The following DMRT1 variants were observed in gnomAD, a reference collection of about 807,000 sequenced individuals.
The protein encoded by DMRT1 is doublesex and mab-3 related transcription factor 1.
DMRT1 carries 7 observed loss-of-function variants against 32.3 expected under a neutral mutation model. The observed-to-expected ratio is 0.22, with a 90% CI of 0.12 to 0.41. The LOEUF (loss-of-function observed/expected upper bound fraction) is 0.41. DMRT1 is among the 10% of genes least tolerant of loss of function. The pLI, the probability that DMRT1 is intolerant of heterozygous loss-of-function variation, is 1.00. For synonymous variants in DMRT1, 278 were observed against 206.1 expected (o/e 1.35, Z -2.99); for missense variants, 625 against 500.5 (o/e 1.25, Z -2.37).
intron 4 of DMRT1, among the ~76,000 whole-genome samples, chr9:953,982 G>GAAGGCATTAGAGAAGTACTAATAC (rs1275232512): frequency 6.6e-5 from 10 of 152,176 alleles, no homozygotes; most frequent in African/African-American, 9.6e-5. Context: ...GTGGAGTACT[G>GAAGGCATTAGAGAAGTACTAATAC]TGGGCATTAG....
intron 2 of DMRT1, among the ~76,000 whole-genome samples, chr9:878,814 C>T (rs918623750): frequency 6.6e-6 from 1 of 152,152 alleles, no homozygotes; most frequent in African/African-American, 2.4e-5. Flanking sequence ...CATGTCTTCT[C>T]TCATATAATT....
intron 3 of DMRT1, among the ~76,000 whole-genome samples, chr9:915,919 G>A (rs1185168970): frequency 6.6e-6 from 1 of 152,018 alleles, no homozygotes; most frequent in Non-Finnish European, 1.5e-5. Context: ...ATTTTTAGGA[G>A]AGATGGGGTT....
chr9:952,183 C>G (rs1388397863), intron 4 of DMRT1, among the ~76,000 whole-genome samples: 2 of 152,094 alleles, frequency 1.3e-5, no homozygotes, highest in Non-Finnish European at 2.9e-5. Context: ...CAGCCATATC[C>G]CCTGTATCTC....
intron 2 of DMRT1, among the ~76,000 whole-genome samples, chr9:890,095 T>TG (rs1455418355): frequency 6.8e-6 from 1 of 147,500 alleles, no homozygotes; most frequent in Non-Finnish European, 1.5e-5. Context: ...GTTTTTTTTT[T>TG]TTTTTTTTTT....
chr9:862,066 C>G (rs143534583), intron 2 of DMRT1, among the ~76,000 whole-genome samples: 1 of 136,404 alleles, frequency 7.3e-6, no homozygotes, highest in Non-Finnish European at 1.6e-5. Flanking sequence ...GATGGGCGGC[C>G]AGGCAGAGAC....
At chr9:871,218 G>A (rs1816235182) in intron 2 of DMRT1, among the ~76,000 whole-genome samples, 1 of 146,246 alleles carries the variant, frequency 6.8e-6, no homozygotes, top group South Asian at 2.2e-4. Context: ...TGTAGAGACG[G>A]GGTTTTGCCA....
chr9:920,759 A>C (rs1193020462), intron 4 of DMRT1, among the ~76,000 whole-genome samples: 1 of 152,062 alleles, frequency 6.6e-6, no homozygotes, highest in South Asian at 2.1e-4. Flanking sequence ...GGATACAGGG[A>C]GTGTGTGGAG....
chr9:921,488 A>G (rs1218704874), intron 4 of DMRT1, among the ~76,000 whole-genome samples: 1 of 151,780 alleles, frequency 6.6e-6, no homozygotes, highest in African/African-American at 2.4e-5. Context: ...GTCTGATTTC[A>G]CTTCTTCTGG....
At chr9:890,757 C>G (rs901637926) in intron 2 of DMRT1, among the ~76,000 whole-genome samples, 2 of 152,122 alleles carry the variant, frequency 1.3e-5, no homozygotes, top group African/African-American at 4.8e-5. Flanking sequence ...TTCTGTCACC[C>G]AGGCTGGAGT....
At chr9:927,323 C>G (rs934374953) in intron 4 of DMRT1, among the ~76,000 whole-genome samples, 1 of 152,216 alleles carries the variant, frequency 6.6e-6, no homozygotes, top group African/African-American at 2.4e-5. Flanking sequence ...ATTCATCATC[C>G]AGGTGCCGTG....
intron 4 of DMRT1, among the ~76,000 whole-genome samples, chr9:949,951 C>G (rs148458975): frequency 1.3e-5 from 2 of 152,230 alleles, no homozygotes; most frequent in East Asian, 1.9e-4. Context: ...CCTTATTCAT[C>G]TGTCTGTCAG....
intron 3 of DMRT1, among the ~76,000 whole-genome samples, chr9:902,837 G>A (rs1335930970): frequency 6.6e-6 from 1 of 152,030 alleles, no homozygotes; most frequent in Non-Finnish European, 1.5e-5. Flanking sequence ...TGCTGGTCTA[G>A]CATTTTGAGG....
chr9:947,353 A>T (rs868432194), intron 4 of DMRT1, among the ~76,000 whole-genome samples: 1 of 152,206 alleles, frequency 6.6e-6, no homozygotes, highest in Non-Finnish European at 1.5e-5. Context: ...TGGCCCAGGG[A>T]AGCCAAAAGG....
chr9:939,523 C>T (rs1240071827), intron 4 of DMRT1, among the ~76,000 whole-genome samples: 1 of 152,166 alleles, frequency 6.6e-6, no homozygotes, highest in Non-Finnish European at 1.5e-5. Flanking sequence ...ATATTTTGTC[C>T]TGTTCTCTGT....
intron 4 of DMRT1, among the ~76,000 whole-genome samples, chr9:959,365 T>C (rs773355863): frequency 2.6e-5 from 4 of 152,232 alleles, no homozygotes; most frequent in Non-Finnish European, 5.9e-5. Context: ...GACAGGGTCC[T>C]GGTGCCACCA....
At chr9:897,030 A>G (rs761077716) in intron 3 of DMRT1, among the ~76,000 whole-genome samples, 15 of 151,896 alleles carry the variant, frequency 9.9e-5, no homozygotes, top group Non-Finnish European at 1.9e-4. Flanking sequence ...TAAAATGTCA[A>G]TTTTAATCCC....
At chr9:880,654 A>T (rs1332595936) in intron 2 of DMRT1, among the ~76,000 whole-genome samples, 1 of 146,510 alleles carries the variant, frequency 6.8e-6, no homozygotes, top group East Asian at 2.1e-4. Context: ...TGAACCTGGG[A>T]GGCAGAGGTT....
At chr9:887,528 C>T (rs796476783) in intron 2 of DMRT1, among the ~76,000 whole-genome samples, 27 of 152,342 alleles carry the variant, frequency 1.8e-4, no homozygotes, top group African/African-American at 6.5e-4. Context: ...CTTCCATTCT[C>T]ATTTGCAGTT....
intron 3 of DMRT1, among the ~76,000 whole-genome samples, chr9:904,402 A>C (rs929651603): frequency 2.6e-5 from 4 of 152,200 alleles, no homozygotes; most frequent in African/African-American, 9.6e-5. Flanking sequence ...GTTCCTCATC[A>C]TTTGAATAAA....
Sources: allele counts gnomAD v4.1 joint callset (sites outside exome capture counted in the v4.1 genomes callset), GRCh38; gene constraint gnomAD v4.1.1; transcripts MANE v1.5; gene names NCBI Gene and HGNC (gene_info 2026-07-23, HGNC 2026-07-21).